The following GFOD1 variants were observed in gnomAD, a reference collection of about 807,000 sequenced individuals.
GFOD1 encodes Gfo/Idh/MocA-like oxidoreductase domain containing 1.
In GFOD1, 9 loss-of-function variants were observed where a neutral mutation model predicts 25.4. That is an observed-to-expected ratio of 0.35 (90% confidence interval 0.21 to 0.62). GFOD1 has a LOEUF of 0.62. GFOD1 is among the 20% of genes least tolerant of loss of function. The pLI is 0.72. For synonymous variants in GFOD1, 253 were observed against 245.6 expected, an observed-to-expected ratio of 1.03 and a Z score of -0.28; for missense variants, 403 against 556.9, an observed-to-expected ratio of 0.72 and a Z score of 2.78.
intron 1 of GFOD1, among the ~76,000 whole-genome samples, chr6:13,479,238 TA>T (rs1758696120): frequency 6.6e-6 from 1 of 152,188 alleles, no homozygotes; most frequent in East Asian, 1.9e-4. Flanking sequence ...TAGGGCAAAG[TA>T]AAAACTACTG....
At chr6:13,441,967 C>A (rs891276525) in intron 1 of GFOD1, among the ~76,000 whole-genome samples, 1 of 151,964 alleles carries the variant, frequency 6.6e-6, no homozygotes, top group Non-Finnish European at 1.5e-5. Flanking sequence ...CCAGACACAC[C>A]CACACACACA....
intron 1 of GFOD1, among the ~76,000 whole-genome samples, chr6:13,380,454 C>T (rs1785341631): frequency 6.6e-6 from 1 of 152,138 alleles, no homozygotes; most frequent in Non-Finnish European, 1.5e-5. Flanking sequence ...AAACAAAATG[C>T]AAAACTGCAG....
chr6:13,423,060 C>T (rs6458814), intron 1 of GFOD1, among the ~76,000 whole-genome samples: 53,311 of 152,000 alleles, frequency 0.35, 10,667 homozygotes, highest in African/African-American at 0.56. Context: ...GCATGTCCGA[C>T]GGTGGCAGAG....
At chr6:13,367,921 C>T (rs779489904) in intron 1 of GFOD1, among the ~76,000 whole-genome samples, 7 of 152,140 alleles carry the variant, frequency 4.6e-5, no homozygotes, top group Admixed American at 6.5e-5. Context: ...GCACTCCAGC[C>T]GCAGATGTGG....
chr6:13,433,118 CT>C lies in GFOD1; in HGVS notation c.253+53519del, dbSNP rs34908391. On this transcript the variant is annotated intron_variant, in intron 1 of 1. Coordinates refer to ENST00000379287, the MANE Select transcript of GFOD1 (RefSeq NM_018988.4). ...ATGACTGACATTTTGTGCTGGGTCC[CT>C]TTTTTTTTTTTTTTTTTGAGATGGA... Among the ~76,000 whole-genome samples, 882 of 133,638 alleles carry C rather than the reference CT, an allele frequency of 6.6e-3. 3 individuals carry two copies. Among genetic ancestry groups the C allele is most frequent in the African/African-American group, 0.016 (597 of 36,394 alleles). The allele number at this position is 133,638 out of a possible 152,430, so 87.7% of individuals were successfully genotyped here.
chr6:13,391,797 T>C (rs529951592), intron 1 of GFOD1, among the ~76,000 whole-genome samples: 2 of 152,172 alleles, frequency 1.3e-5, no homozygotes, highest in African/African-American at 2.4e-5. Flanking sequence ...ATCGACTTCA[T>C]TGGAGTGGTG....
At chr6:13,418,214 A>G (rs1291747507) in intron 1 of GFOD1, among the ~76,000 whole-genome samples, 3 of 152,224 alleles carry the variant, frequency 2.0e-5, no homozygotes, top group Non-Finnish European at 4.4e-5. Context: ...AAGCCACTGC[A>G]GGGGACAGGC....
At chr6:13,366,231 A>C (rs1785045439) in intron 1 of GFOD1, among the ~76,000 whole-genome samples, 1 of 152,150 alleles carries the variant, frequency 6.6e-6, no homozygotes, top group Non-Finnish European at 1.5e-5. Flanking sequence ...CCCAGGCTGC[A>C]TTGCAGTGGT....
intron 1 of GFOD1, among the ~76,000 whole-genome samples, chr6:13,400,162 T>A (rs1327077173): frequency 1.3e-5 from 2 of 152,118 alleles, no homozygotes; most frequent in Admixed American, 1.3e-4. Flanking sequence ...TGCAGGCCAA[T>A]ACACTAAGAC....
intron 1 of GFOD1, among the ~76,000 whole-genome samples, chr6:13,434,422 G>A (rs1757800830): frequency 6.7e-6 from 1 of 148,340 alleles, no homozygotes; most frequent in Admixed American, 6.7e-5. Flanking sequence ...GAGCATTATG[G>A]AAGCACAGAA....
At chr6:13,419,575 C>T (rs1158523088) in intron 1 of GFOD1, among the ~76,000 whole-genome samples, 5 of 152,158 alleles carry the variant, frequency 3.3e-5, no homozygotes, top group Admixed American at 2.0e-4. Context: ...ACCCGCCTTC[C>T]GATGGCTTTG....
At chr6:13,438,811 G>C (rs977153874) in intron 1 of GFOD1, among the ~76,000 whole-genome samples, 1 of 152,124 alleles carries the variant, frequency 6.6e-6, no homozygotes, top group Non-Finnish European at 1.5e-5. Flanking sequence ...ACTAATAAAT[G>C]CCAGTAAAAA....
chr6:13,485,392 T>C (rs1758842732), intron 1 of GFOD1, among the ~76,000 whole-genome samples: 1 of 152,250 alleles, frequency 6.6e-6, no homozygotes, highest in South Asian at 2.1e-4. Context: ...CTGGATGTTG[T>C]CTCTGTTCCT....
chr6:13,417,602 T>C (rs1285505601), intron 1 of GFOD1, among the ~76,000 whole-genome samples: 1 of 152,236 alleles, frequency 6.6e-6, no homozygotes, highest in Non-Finnish European at 1.5e-5. Flanking sequence ...ACAACAGTGC[T>C]GCTAGTACAG....
At chr6:13,485,944 C>T (rs1468725348) in intron 1 of GFOD1, 1 of 801,676 alleles carries the variant, frequency 1.2e-6, no homozygotes, top group Non-Finnish European at 1.5e-6. Context: ...TCTTTACTAA[C>T]CTATGACGCC....
chr6:13,455,621 C>T (rs1758174689), intron 1 of GFOD1, among the ~76,000 whole-genome samples: 1 of 152,160 alleles, frequency 6.6e-6, no homozygotes, highest in African/African-American at 2.4e-5. Context: ...CAGCAGCACC[C>T]CACATGGGCC....
At chr6:13,427,463 C>T (rs1757659311) in intron 1 of GFOD1, among the ~76,000 whole-genome samples, 1 of 151,986 alleles carries the variant, frequency 6.6e-6, no homozygotes, top group African/African-American at 2.4e-5. Context: ...AGTTTGAAAC[C>T]ACCCTGGGCA....
At chr6:13,433,832 G>A (rs1584649196) in intron 1 of GFOD1, among the ~76,000 whole-genome samples, 1 of 152,148 alleles carries the variant, frequency 6.6e-6, no homozygotes, top group African/African-American at 2.4e-5. Context: ...CAAACCATGA[G>A]AGTCAGTCAG....
intron 1 of GFOD1, among the ~76,000 whole-genome samples, chr6:13,388,208 A>C (rs573775846): frequency 7.9e-5 from 12 of 152,372 alleles, no homozygotes; most frequent in African/African-American, 2.9e-4. Context: ...TTATAGATTC[A>C]ATGCTATCTC....
Sources: gnomAD v4.1 joint callset for allele counts (sites outside exome capture counted in the v4.1 genomes callset) on GRCh38, gnomAD v4.1.1 for gene constraint, MANE v1.5 for transcripts, NCBI Gene and HGNC (gene_info 2026-07-23, HGNC 2026-07-21) for gene names.